Variants in WWOX observed in about 807,000 individuals in gnomAD.
The protein encoded by WWOX is WW domain-containing oxidoreductase.
A neutral mutation model predicts 46.2 loss-of-function variants in WWOX; 69 were observed. The ratio of observed to expected loss-of-function variants is 1.49; its 90% CI spans 1.23 to 1.82. The LOEUF (loss-of-function observed/expected upper bound fraction) is 1.82, where lower values mean the gene tolerates loss of function less well. Among genes scored for constraint, WWOX ranks in the 40% most tolerant of loss-of-function variants. The pLI, the probability that WWOX is intolerant of heterozygous loss-of-function variation, is 0.00. For missense variants in WWOX, 919 were observed against 542.6 expected (o/e 1.69, Z -6.89); for synonymous variants, 359 against 202.6 (o/e 1.77, Z -6.56).
intron 5 of WWOX, among the ~76,000 whole-genome samples, chr16:78,302,751 G>C (rs947099159): frequency 1.3e-5 from 2 of 152,136 alleles, no homozygotes; most frequent in Non-Finnish European, 2.9e-5. Context: ...CCAAGACACT[G>C]TACACATTTA....
At chr16:78,560,856 G>C (rs1438509621) in intron 8 of WWOX, among the ~76,000 whole-genome samples, 1 of 151,672 alleles carries the variant, frequency 6.6e-6, no homozygotes, top group African/African-American at 2.4e-5. Context: ...GCATGCTGCA[G>C]AATTTTTTTT....
chr16:78,325,496 A>G (rs1297174421), intron 5 of WWOX, among the ~76,000 whole-genome samples: 3 of 152,218 alleles, frequency 2.0e-5, no homozygotes, highest in African/African-American at 4.8e-5. Context: ...AATTATTAGA[A>G]TGACAAATGA....
chr16:78,785,039 C>G (rs2050420970), intron 8 of WWOX, among the ~76,000 whole-genome samples: 1 of 151,978 alleles, frequency 6.6e-6, no homozygotes, highest in Non-Finnish European at 1.5e-5. Context: ...GCAGTTATAG[C>G]CAAGGAGAAG....
At chr16:78,141,116 T>C (rs2033970601) in intron 4 of WWOX, among the ~76,000 whole-genome samples, 1 of 152,214 alleles carries the variant, frequency 6.6e-6, no homozygotes, top group Non-Finnish European at 1.5e-5. Flanking sequence ...TGCTTTTGGA[T>C]CACAGAGCAA....
intron 8 of WWOX, chr16:78,526,654 C>G (rs574487565): frequency 6.6e-6 from 1 of 152,294 alleles, no homozygotes; most frequent in East Asian, 1.9e-4. Flanking sequence ...AGTCACCAGC[C>G]CCAAACCCTG....
At chr16:78,434,421 C>A (rs2083292477) in intron 8 of WWOX, among the ~76,000 whole-genome samples, 1 of 152,144 alleles carries the variant, frequency 6.6e-6, no homozygotes, top group South Asian at 2.1e-4. Context: ...CATGGTTATG[C>A]CTCATACTTT....
intron 8 of WWOX, among the ~76,000 whole-genome samples, chr16:78,894,482 G>A (rs1161495502): frequency 6.6e-6 from 1 of 152,186 alleles, no homozygotes; most frequent in Non-Finnish European, 1.5e-5. Flanking sequence ...CCTCTCTACT[G>A]GTTGGAAACA....
rs567521043 is a variant in WWOX at position 78,806,960 on chromosome 16, C to A, written c.1056+374208C>A. Among the ~76,000 whole-genome samples the A allele has an allele frequency of 3.9e-5, 6 of 152,336 alleles. No individual in the cohort carries two copies. In the South Asian group the frequency reaches 1.2e-3, roughly 32 times the overall value. On this transcript the variant is annotated intron_variant, in intron 8 of 8. Coordinates refer to ENST00000566780, the MANE Select transcript of WWOX (RefSeq NM_016373.4). ...TTTTGAATCCTACCTCTGCCTCTTACTAGCCACATGACTGGGTCTTAGCAT... is the reference window on the plus strand; with the variant it reads ...TTTTGAATCCTACCTCTGCCTCTTAATAGCCACATGACTGGGTCTTAGCAT...
chr16:78,171,471 T>C (rs1202819032), intron 5 of WWOX, among the ~76,000 whole-genome samples: 2 of 152,110 alleles, frequency 1.3e-5, no homozygotes, highest in South Asian at 2.1e-4. Flanking sequence ...GATATATGTG[T>C]TGGGGGGAGG....
intron 8 of WWOX, among the ~76,000 whole-genome samples, chr16:78,667,392 T>C (rs985002397): frequency 1.3e-5 from 2 of 152,110 alleles, no homozygotes; most frequent in Non-Finnish European, 2.9e-5. Flanking sequence ...AATGATATGA[T>C]GGGTGTGGTG....
chr16:79,067,931 G>C (rs2048472750), intron 8 of WWOX, among the ~76,000 whole-genome samples: 1 of 152,152 alleles, frequency 6.6e-6, no homozygotes, highest in Non-Finnish European at 1.5e-5. Flanking sequence ...CTGTGATCCA[G>C]GCAAGGCACC....
intron 8 of WWOX, among the ~76,000 whole-genome samples, chr16:79,123,112 G>A (rs902917604): frequency 7.9e-5 from 12 of 152,284 alleles, no homozygotes; most frequent in Admixed American, 4.6e-4. Flanking sequence ...GTCTGTGCGT[G>A]CTGTATAAGG....
chr16:79,030,338 T>A lies in WWOX; in HGVS notation c.1057-181270T>A, dbSNP rs566128645. Among the ~76,000 whole-genome samples the A allele has an allele frequency of 9.2e-5, 14 of 152,378 alleles. No individual in the cohort carries two copies. In the South Asian group the frequency reaches 2.9e-3, roughly 32 times the overall value. ...CGTACGCAGATCTTCTGAAAAGGAA[T>A]CTGACAAATTTAGTTGCTGCATTTT... On this transcript the variant is annotated intron_variant, in intron 8 of 8. Coordinates refer to ENST00000566780, the MANE Select transcript of WWOX (RefSeq NM_016373.4).
At chr16:78,472,671 T>C (rs2151436415) in intron 8 of WWOX, among the ~76,000 whole-genome samples, 1 of 151,920 alleles carries the variant, frequency 6.6e-6, no homozygotes, top group Non-Finnish European at 1.5e-5. Context: ...TAGCCAGGAA[T>C]GGTGGTACAC....
chr16:78,648,887 A>G lies in WWOX; in HGVS notation c.1056+216135A>G, dbSNP rs1363364501. On this transcript the variant is annotated intron_variant, in intron 8 of 8. Transcript: ENST00000566780. ...TTGGGTTCCCTTTGTTTATTTTTACACTAGCTTTGCACTAGGTTAATTTTT... is the reference window on the plus strand; with the variant it reads ...TTGGGTTCCCTTTGTTTATTTTTACGCTAGCTTTGCACTAGGTTAATTTTT... Among the ~76,000 whole-genome samples the G allele has an allele frequency of 2.6e-5, 4 of 152,228 alleles. No homozygotes were observed. The South Asian group carries it at 6.2e-4, about 24-fold the overall frequency.
chr16:79,020,462 G>A (rs1413559787), intron 8 of WWOX, among the ~76,000 whole-genome samples: 1 of 152,200 alleles, frequency 6.6e-6, no homozygotes, highest in Non-Finnish European at 1.5e-5. Flanking sequence ...TGGGGATCAT[G>A]ATAGTCTCTG....
At chr16:78,913,956 T>G (rs551549163) in intron 8 of WWOX, among the ~76,000 whole-genome samples, 79 of 152,136 alleles carry the variant, frequency 5.2e-4, no homozygotes, top group African/African-American at 1.8e-3. Context: ...CCACTGCACG[T>G]GGCCCATACT....
intron 8 of WWOX, among the ~76,000 whole-genome samples, chr16:79,008,169 T>C (rs533760249): frequency 4.6e-5 from 7 of 152,292 alleles, no homozygotes; most frequent in East Asian, 1.9e-4. Flanking sequence ...GGCTGTTGAC[T>C]GAGGGCCCCT....
chr16:78,177,575 G>T (rs934190078), intron 5 of WWOX, among the ~76,000 whole-genome samples: 64 of 152,172 alleles, frequency 4.2e-4, no homozygotes, highest in Admixed American at 1.2e-3. Flanking sequence ...GTTTGTCCTG[G>T]GAATGGAGAT....
Sources: allele counts gnomAD v4.1 joint callset (sites outside exome capture counted in the v4.1 genomes callset), GRCh38; gene constraint gnomAD v4.1.1; transcripts MANE v1.5; gene names NCBI Gene and HGNC (gene_info 2026-07-23, HGNC 2026-07-21).